Variants in SPAG16 observed in about 807,000 individuals in gnomAD.
SPAG16 encodes the protein sperm-associated antigen 16 protein.
Under a neutral mutation model 80.4 loss-of-function variants are expected in SPAG16, and 86 were observed. The observed-to-expected ratio is 1.07, with a 90% CI of 0.90 to 1.28. SPAG16 has a LOEUF of 1.28. Among genes scored for constraint, SPAG16 ranks in the 50% most tolerant of loss-of-function variants. The pLI is 0.00. For synonymous variants in SPAG16, 294 were observed against 265.9 expected, an observed-to-expected ratio of 1.11 and a Z score of -1.03; for missense variants, 870 against 765.3, an observed-to-expected ratio of 1.14 and a Z score of -1.61.
intron 10 of SPAG16, among the ~76,000 whole-genome samples, chr2:213,642,777 C>T (rs2062641014): frequency 3.0e-5 from 2 of 67,534 alleles, no homozygotes; most frequent in Admixed American, 3.6e-4. Flanking sequence ...GCCGAGATCC[C>T]GCCACTGCAC....
intron 15 of SPAG16, among the ~76,000 whole-genome samples, chr2:214,271,579 T>C (rs1004898447): frequency 5.3e-5 from 8 of 152,084 alleles, no homozygotes; most frequent in Non-Finnish European, 1.0e-4. Flanking sequence ...GGCGGGTGGA[T>C]CACCTGAGGT....
intron 10 of SPAG16, among the ~76,000 whole-genome samples, chr2:213,495,064 T>C (rs1490336397): frequency 6.6e-6 from 1 of 152,258 alleles, no homozygotes; most frequent in African/African-American, 2.4e-5. Context: ...TTCTACTTTA[T>C]TTCATTCATG....
intron 13 of SPAG16, among the ~76,000 whole-genome samples, chr2:214,057,557 GC>G (rs1213703107): frequency 6.6e-6 from 1 of 151,956 alleles, no homozygotes; most frequent in African/African-American, 2.4e-5. Flanking sequence ...ATTTTCAAAG[GC>G]CCTAGGATTT....
At chr2:213,818,481 C>A (rs1056821584) in intron 10 of SPAG16, among the ~76,000 whole-genome samples, 1 of 152,156 alleles carries the variant, frequency 6.6e-6, no homozygotes, top group Admixed American at 6.5e-5. Flanking sequence ...AAACATCTGG[C>A]TCTGCCTTGG....
At chr2:214,238,170 G>A (rs779020329) in intron 15 of SPAG16, 1 of 437,490 alleles carries the variant, frequency 2.3e-6, no homozygotes. Flanking sequence ...TAGGAGCTCA[G>A]ATATATTATT....
At chr2:213,944,281 C>T (rs886882001) in intron 12 of SPAG16, among the ~76,000 whole-genome samples, 2 of 152,200 alleles carry the variant, frequency 1.3e-5, no homozygotes, top group Non-Finnish European at 2.9e-5. Flanking sequence ...GCAAAACTTA[C>T]ATCCCACTGG....
At chr2:214,174,147 G>A (rs560641222) in intron 15 of SPAG16, among the ~76,000 whole-genome samples, 2,470 of 152,116 alleles carry the variant, frequency 0.016, 60 homozygotes, top group African/African-American at 0.057. Flanking sequence ...AAAACTGGAA[G>A]CATTCCCTTT....
At chr2:214,140,941 G>C (rs1171666524) in intron 14 of SPAG16, among the ~76,000 whole-genome samples, 8 of 96,998 alleles carry the variant, frequency 8.2e-5, no homozygotes, top group African/African-American at 1.9e-4. Flanking sequence ...GGTGGGGGGG[G>C]GGGGGTGGGG....
In SPAG16 at chr2:213,862,636, C is replaced by T. The variant is rs2075520940; in HGVS notation, c.1214+8C>T. On this transcript the variant is annotated splice_region_variant and intron_variant, in intron 11 of 15. Coordinates refer to ENST00000331683, the MANE Select transcript of SPAG16 (RefSeq NM_024532.5). ...CTGCTGCTTCCATCCCAGGTCAGTGCACAGGACCCCTAGAAATAGCCTAAT... is the reference window on the plus strand; with the variant it reads ...CTGCTGCTTCCATCCCAGGTCAGTGTACAGGACCCCTAGAAATAGCCTAAT... 6 of 1,613,846 alleles carry T rather than the reference C, an allele frequency of 3.7e-6. No individual in the cohort carries two copies. Among genetic ancestry groups the T allele is most frequent in the South Asian group, 3.3e-5 (3 of 91,082 alleles).
chr2:214,194,695 G>A (rs998868617), intron 15 of SPAG16, among the ~76,000 whole-genome samples: 1 of 151,902 alleles, frequency 6.6e-6, no homozygotes, highest in Admixed American at 6.6e-5. Flanking sequence ...TTAATAAAAT[G>A]GCAAAAAGGG....
rs749602556 is a variant in SPAG16, at chr2:214,278,452, C to T, written c.1720+129186C>T. Among the ~76,000 whole-genome samples the T allele has an allele frequency of 4.6e-5, 7 of 152,164 alleles. No homozygotes were observed. The South Asian group carries it at 6.2e-4, about 14-fold the overall frequency. Reference sequence around the variant, plus strand: ...TGTTCCTATGCAGCCATCTTAGAACCGGACCACATCCTCTTTCAAGGTATG... The same window carrying T: ...TGTTCCTATGCAGCCATCTTAGAACTGGACCACATCCTCTTTCAAGGTATG... On this transcript the variant is annotated intron_variant, in intron 15 of 15. Coordinates refer to ENST00000331683, the MANE Select transcript of SPAG16 (RefSeq NM_024532.5).
intron 10 of SPAG16, among the ~76,000 whole-genome samples, chr2:213,722,534 G>A (rs139252343): frequency 6.6e-6 from 1 of 152,308 alleles, no homozygotes; most frequent in Non-Finnish European, 1.5e-5. Flanking sequence ...AAACATGGTT[G>A]TGTGCAGAGC....
In SPAG16 at chr2:214,281,848, A is replaced by C. The variant is rs1252788487; in HGVS notation, c.1721-128292A>C. Among the ~76,000 whole-genome samples the C allele has an allele frequency of 4.6e-5, 7 of 152,230 alleles. No individual in the cohort carries two copies. In the East Asian group the frequency reaches 1.3e-3, roughly 29 times the overall value. ...CAATAAAATGTAATAAACTACTGAT[A>C]AACACAGTGTGGATGAATCTAGAAA... On this transcript the variant is annotated intron_variant, in intron 15 of 15. Transcript: ENST00000331683.
intron 14 of SPAG16, among the ~76,000 whole-genome samples, chr2:214,111,342 T>C (rs529688098): frequency 6.6e-6 from 1 of 152,352 alleles, no homozygotes; most frequent in South Asian, 2.1e-4. Context: ...TTCAGCTTTC[T>C]ACATATGGCT....
chr2:214,177,588 A>T (rs1369623601), intron 15 of SPAG16, among the ~76,000 whole-genome samples: 1 of 150,774 alleles, frequency 6.6e-6, no homozygotes, highest in African/African-American at 2.4e-5. Context: ...GGCGAAATAA[A>T]TTCTTTTGTC....
intron 10 of SPAG16, among the ~76,000 whole-genome samples, chr2:213,745,568 C>A (rs1175215885): frequency 2.0e-5 from 3 of 152,040 alleles, no homozygotes; most frequent in Non-Finnish European, 4.4e-5. Flanking sequence ...TATTAAATAT[C>A]ATGATTTTAT....
At chr2:214,083,443 T>C (rs980773642) in intron 13 of SPAG16, among the ~76,000 whole-genome samples, 1 of 152,160 alleles carries the variant, frequency 6.6e-6, no homozygotes, top group Non-Finnish European at 1.5e-5. Context: ...CATTCATTCA[T>C]GGAGAAAATA....
At chr2:213,657,548 G>T (rs887997178) in intron 10 of SPAG16, among the ~76,000 whole-genome samples, 6 of 152,258 alleles carry the variant, frequency 3.9e-5, no homozygotes, top group African/African-American at 1.4e-4. Context: ...AAAGTATAAA[G>T]TATGCTCTTT....
At chr2:214,056,470 T>G (rs1415640166) in intron 13 of SPAG16, among the ~76,000 whole-genome samples, 3 of 152,072 alleles carry the variant, frequency 2.0e-5, no homozygotes, top group Non-Finnish European at 4.4e-5. Context: ...CTATTAAGTG[T>G]GCAATGAAAT....
Sources: gnomAD v4.1 joint callset for allele counts (sites outside exome capture counted in the v4.1 genomes callset) on GRCh38, gnomAD v4.1.1 for gene constraint, MANE v1.5 for transcripts, NCBI Gene and HGNC (gene_info 2026-07-23, HGNC 2026-07-21) for gene names.